Variants in SLC8A1 observed in about 807,000 individuals in gnomAD.
The protein encoded by SLC8A1 is sodium/calcium exchanger 1.
SLC8A1 carries 18 observed loss-of-function variants against 68.3 expected under a neutral mutation model. The ratio of observed to expected loss-of-function variants is 0.26; its 90% CI spans 0.18 to 0.39. The LOEUF is 0.39. Among genes scored for constraint, SLC8A1 ranks in the 10% least tolerant of loss-of-function variants. The pLI is 1.00. For synonymous variants in SLC8A1, 475 were observed against 415.5 expected (o/e 1.14, Z -1.74); for missense variants, 985 against 1,156.7 (o/e 0.85, Z 2.15).
intron 2 of SLC8A1, among the ~76,000 whole-genome samples, chr2:40,394,341 G>A (rs1012137170): frequency 6.6e-6 from 1 of 151,996 alleles, no homozygotes; most frequent in Non-Finnish European, 1.5e-5. Context: ...CAATAAGCTA[G>A]TAAGATATTT....
chr2:40,316,831 T>C (rs2074518964), intron 2 of SLC8A1, among the ~76,000 whole-genome samples: 1 of 152,004 alleles, frequency 6.6e-6, no homozygotes, highest in Non-Finnish European at 1.5e-5. Context: ...GTGCCCAACA[T>C]GTAATCTTAG....
intron 2 of SLC8A1, among the ~76,000 whole-genome samples, chr2:40,398,223 T>C (rs1687597009): frequency 6.6e-6 from 1 of 152,196 alleles, no homozygotes; most frequent in African/African-American, 2.4e-5. Context: ...TCCCTAGTCT[T>C]GGTCAGCTTC....
chr2:40,267,497 C>T (rs1215682179), intron 2 of SLC8A1, among the ~76,000 whole-genome samples: 1 of 152,168 alleles, frequency 6.6e-6, no homozygotes, highest in Admixed American at 6.5e-5. Flanking sequence ...ATGCTAATTA[C>T]TCAACAGAGT....
At chr2:40,153,462 T>C (rs2043839328) in intron 6 of SLC8A1, among the ~76,000 whole-genome samples, 1 of 152,218 alleles carries the variant, frequency 6.6e-6, no homozygotes, top group African/African-American at 2.4e-5. Context: ...ATATGTACTC[T>C]GTATCACAGA....
chr2:40,306,417 G>A (rs976663383), intron 2 of SLC8A1, among the ~76,000 whole-genome samples: 29 of 150,562 alleles, frequency 1.9e-4, no homozygotes, highest in African/African-American at 6.6e-4. Context: ...GAAGGTGTAA[G>A]GGCATTTAAG....
intron 1 of SLC8A1, among the ~76,000 whole-genome samples, chr2:40,478,538 A>G (rs1166838791): frequency 6.6e-6 from 1 of 152,088 alleles, no homozygotes; most frequent in African/African-American, 2.4e-5. Flanking sequence ...AAAGTCTATG[A>G]TTTTCTTTGG....
upstream of SLC8A1, among the ~76,000 whole-genome samples, chr2:40,453,799 C>G (rs1339117362): frequency 2.0e-5 from 3 of 152,108 alleles, no homozygotes; most frequent in African/African-American, 7.2e-5. Flanking sequence ...CTGGGGTAGG[C>G]AAGTGTTGAA....
At chr2:40,214,345 G>A (rs377629778) in intron 2 of SLC8A1, among the ~76,000 whole-genome samples, 1 of 151,922 alleles carries the variant, frequency 6.6e-6, no homozygotes, top group Non-Finnish European at 1.5e-5. Flanking sequence ...CCTCAACCCC[G>A]CAACTCTCCC....
intron 1 of SLC8A1, among the ~76,000 whole-genome samples, chr2:40,497,308 T>A (rs1190496454): frequency 1.3e-5 from 2 of 152,100 alleles, no homozygotes; most frequent in African/African-American, 2.4e-5. Flanking sequence ...AATAAAGATT[T>A]ATCAAGCATA....
chr2:40,301,777 C>T (rs1246927265), intron 2 of SLC8A1, among the ~76,000 whole-genome samples: 1 of 152,078 alleles, frequency 6.6e-6, no homozygotes, highest in Non-Finnish European at 1.5e-5. Context: ...TTGGGGAAAA[C>T]AGGTGGTACT....
At chr2:40,157,374 C>T (rs2148427195) in intron 6 of SLC8A1, among the ~76,000 whole-genome samples, 1 of 152,220 alleles carries the variant, frequency 6.6e-6, no homozygotes, top group Non-Finnish European at 1.5e-5. Context: ...TTCCTGGAGT[C>T]ATCCAGGGAG....
At chr2:40,301,442 A>G (rs2071435350) in intron 2 of SLC8A1, among the ~76,000 whole-genome samples, 1 of 152,146 alleles carries the variant, frequency 6.6e-6, no homozygotes, top group African/African-American at 2.4e-5. Context: ...CAGGTTTGGA[A>G]AAGCCTGGAG....
intron 2 of SLC8A1, among the ~76,000 whole-genome samples, chr2:40,259,254 A>G (rs1184053490): frequency 6.6e-6 from 1 of 152,074 alleles, no homozygotes; most frequent in Non-Finnish European, 1.5e-5. Flanking sequence ...TGGAGATAAT[A>G]GAAGCCTTCC....
intron 2 of SLC8A1, among the ~76,000 whole-genome samples, chr2:40,335,486 T>C (rs575862002): frequency 6.6e-6 from 1 of 152,240 alleles, no homozygotes; most frequent in Admixed American, 6.5e-5. Context: ...GTGAATACTG[T>C]GTACAACCAG....
chr2:40,298,070 C>T (rs990433647), intron 2 of SLC8A1, among the ~76,000 whole-genome samples: 3 of 151,968 alleles, frequency 2.0e-5, no homozygotes, highest in African/African-American at 4.8e-5. Flanking sequence ...TTAGTAGAGA[C>T]AGAATTTCAC....
At chr2:40,397,282 G>A (rs923523850) in intron 2 of SLC8A1, among the ~76,000 whole-genome samples, 4 of 152,102 alleles carry the variant, frequency 2.6e-5, no homozygotes, top group Non-Finnish European at 5.9e-5. Flanking sequence ...GCCCATTGAT[G>A]GTTTAGCTTA....
intron 2 of SLC8A1, among the ~76,000 whole-genome samples, chr2:40,326,928 G>C (rs2075891116): frequency 6.6e-6 from 1 of 152,134 alleles, no homozygotes; most frequent in Non-Finnish European, 1.5e-5. Context: ...CTCATTAGTA[G>C]AAATTGCTAA....
At chr2:40,290,448 A>G (rs1026116329) in intron 2 of SLC8A1, among the ~76,000 whole-genome samples, 2 of 152,132 alleles carry the variant, frequency 1.3e-5, no homozygotes, top group Non-Finnish European at 2.9e-5. Context: ...ATATGCTTCT[A>G]GAGAAGCAGG....
intron 2 of SLC8A1, among the ~76,000 whole-genome samples, chr2:40,396,770 A>AAAAAAAAAAAAAAAAC (rs1687084576): frequency 1.6e-5 from 2 of 121,784 alleles, no homozygotes; most frequent in African/African-American, 2.7e-5. Context: ...AAAAAAAAAA[A>AAAAAAAAAAAAAAAAC]AAAAAAACAA....
Sources: gnomAD v4.1 joint callset for allele counts (sites outside exome capture counted in the v4.1 genomes callset) on GRCh38, gnomAD v4.1.1 for gene constraint, MANE v1.5 for transcripts, NCBI Gene and HGNC (gene_info 2026-07-23, HGNC 2026-07-21) for gene names.